TASP1: variants seen among roughly 807,000 people sequenced by gnomAD.
TASP1 encodes the protein taspase 1.
A neutral mutation model predicts 56.6 loss-of-function variants in TASP1; 16 were observed. The ratio of observed to expected loss-of-function variants is 0.28; its 90% CI spans 0.19 to 0.43. The LOEUF (loss-of-function observed/expected upper bound fraction) is 0.43, where lower values mean the gene tolerates loss of function less well. Ranked by LOEUF, TASP1 falls within the 20% of genes least tolerant of loss-of-function variation. The probability of loss-of-function intolerance (pLI) is 1.00; values close to 1 mark genes in which losing one functional copy is unlikely to be tolerated. For missense variants in TASP1, 393 were observed against 511.6 expected, an observed-to-expected ratio of 0.77 and a Z score of 2.24; for synonymous variants, 179 against 184.2, an observed-to-expected ratio of 0.97 and a Z score of 0.23.
At chr20:13,144,577 T>C in the TASP1 span, among the ~76,000 whole-genome samples, 1 of 152,254 alleles carries the variant, frequency 6.6e-6, no homozygotes, top group African/African-American at 2.4e-5. Flanking sequence ...AATTATTCTC[T>C]GGTGTCTTCA....
the TASP1 span, among the ~76,000 whole-genome samples, chr20:13,114,438 A>T: frequency 6.6e-6 from 1 of 152,222 alleles, no homozygotes; most frequent in Non-Finnish European, 1.5e-5. Flanking sequence ...ATAACCTGGG[A>T]CATAAACTAG....
chr20:13,439,005 G>T (rs1009351806), intron 11 of TASP1, among the ~76,000 whole-genome samples: 7 of 152,110 alleles, frequency 4.6e-5, no homozygotes, highest in African/African-American at 1.4e-4. Flanking sequence ...GTTAGGAAAC[G>T]ACTGGTGCTG....
chr20:13,493,937 A>G (rs1460564202), intron 10 of TASP1, among the ~76,000 whole-genome samples: 1 of 152,178 alleles, frequency 6.6e-6, no homozygotes, highest in East Asian at 1.9e-4. Flanking sequence ...GAACCCAGGG[A>G]AGGAGGAAAA....
At chr20:13,221,839 C>T in the TASP1 span, 1 of 1,451,656 alleles carries the variant, frequency 6.9e-7, no homozygotes, top group Non-Finnish European at 9.0e-7. Context: ...CGCTGCACAT[C>T]ACCGTGCTGC....
chr20:13,222,763 G>C, the TASP1 span, among the ~76,000 whole-genome samples: 1 of 152,206 alleles, frequency 6.6e-6, no homozygotes, highest in Non-Finnish European at 1.5e-5. Context: ...CTGCCGCTAT[G>C]TTAGCGCCTT....
At chr20:13,212,655 A>G in the TASP1 span, among the ~76,000 whole-genome samples, 32 of 152,200 alleles carry the variant, frequency 2.1e-4, no homozygotes, top group African/African-American at 7.5e-4. Flanking sequence ...TTTATCACTT[A>G]TTATGGATAA....
the TASP1 span, among the ~76,000 whole-genome samples, chr20:13,262,441 T>C: frequency 6.6e-6 from 1 of 152,134 alleles, no homozygotes; most frequent in East Asian, 1.9e-4. Context: ...TTAGGTGATG[T>C]GTGAAGGGTT....
At chr20:13,587,409 TA>T in intron 4 of TASP1, 39 bp from the exon 5 acceptor site, 1 of 1,530,926 alleles carries the variant, frequency 6.5e-7, no homozygotes, top group Non-Finnish European at 8.9e-7. Context: ...TCATTAGTCT[TA>T]AAAAAAGTAT....
the TASP1 span, among the ~76,000 whole-genome samples, chr20:13,314,606 T>TG: frequency 6.6e-6 from 1 of 151,992 alleles, no homozygotes; most frequent in Non-Finnish European, 1.5e-5. Flanking sequence ...CCAGTAGAAG[T>TG]GCCTTGCAAG....
At chr20:13,381,039 G>C in the TASP1 span, among the ~76,000 whole-genome samples, 3 of 152,294 alleles carry the variant, frequency 2.0e-5, no homozygotes, top group East Asian at 5.8e-4. Flanking sequence ...TGCCGAGCTA[G>C]ACCACTTGGC....
Position 13,411,214 on chromosome 20 carries a change from C to T in TASP1, c.1170+6234G>A, listed in dbSNP as rs146829476. On this transcript the variant is annotated intron_variant, in intron 13 of 13. Transcript: ENST00000337743. ...TGTTTTTATCATAATGTTTTGGTTACTATAGGTTTGCAAGGTATTCTGAAG... is the reference window on the plus strand; with the variant it reads ...TGTTTTTATCATAATGTTTTGGTTATTATAGGTTTGCAAGGTATTCTGAAG... 4.5e-3 allele frequency among the ~76,000 whole-genome samples: 683 copies of T among 152,230 alleles called. 3 individuals are homozygous for T. Among genetic ancestry groups the T allele is most frequent in the East Asian group, 0.01 (53 of 5,188 alleles).
At chr20:13,161,814 G>A in the TASP1 span, among the ~76,000 whole-genome samples, 69 of 152,160 alleles carry the variant, frequency 4.5e-4, no homozygotes, top group African/African-American at 1.4e-3. Flanking sequence ...AATTATACAC[G>A]TACACATGTG....
chr20:13,268,654 C>A, the TASP1 span, among the ~76,000 whole-genome samples: 3 of 152,208 alleles, frequency 2.0e-5, no homozygotes, highest in Non-Finnish European at 4.4e-5. Flanking sequence ...CAGACGAGGT[C>A]TCTATCTCCA....
At chr20:13,472,656 CA>C (rs1311009570) in intron 11 of TASP1, among the ~76,000 whole-genome samples, 1 of 150,960 alleles carries the variant, frequency 6.6e-6, no homozygotes, top group Non-Finnish European at 1.5e-5. Context: ...CAAACAACCC[CA>C]TCAAAAAGTG....
At chr20:13,136,329 G>T in the TASP1 span, among the ~76,000 whole-genome samples, 1 of 151,960 alleles carries the variant, frequency 6.6e-6, no homozygotes, top group Non-Finnish European at 1.5e-5. Flanking sequence ...AGGTGTGGTG[G>T]CTCACACCTG....
chr20:13,436,774 G>A (rs1215390086), intron 11 of TASP1, among the ~76,000 whole-genome samples: 5 of 152,060 alleles, frequency 3.3e-5, no homozygotes, highest in African/African-American at 1.2e-4. Flanking sequence ...CAAGACTAAC[G>A]ACCTACTTGA....
At chr20:13,537,412 T>C (rs1473304984) in intron 8 of TASP1, among the ~76,000 whole-genome samples, 3 of 152,174 alleles carry the variant, frequency 2.0e-5, no homozygotes, top group African/African-American at 7.2e-5. Context: ...TTAAGGATGA[T>C]GAAGTAATAT....
intron 12 of TASP1, among the ~76,000 whole-genome samples, chr20:13,434,595 C>A (rs1481703702): frequency 6.6e-6 from 1 of 152,144 alleles, no homozygotes; most frequent in Non-Finnish European, 1.5e-5. Flanking sequence ...AAGACCAATG[C>A]ACGAAGGTGT....
chr20:13,370,635 C>T, the TASP1 span, among the ~76,000 whole-genome samples: 1 of 152,048 alleles, frequency 6.6e-6, no homozygotes, highest in African/African-American at 2.4e-5. Flanking sequence ...ATGTCCTAAG[C>T]CCCGGGGCCT....
Sources: allele counts gnomAD v4.1 joint callset (sites outside exome capture counted in the v4.1 genomes callset), GRCh38; gene constraint gnomAD v4.1.1; transcripts MANE v1.5; gene names NCBI Gene and HGNC (gene_info 2026-07-23, HGNC 2026-07-21).